Variants in GNAL observed in about 807,000 individuals in gnomAD.
GNAL encodes G protein subunit alpha L, also known as guanine nucleotide-binding protein G(olf) subunit alpha.
Under a neutral mutation model 55.1 loss-of-function variants are expected in GNAL, and 18 were observed. The ratio of observed to expected loss-of-function variants is 0.33; its 90% confidence interval spans 0.23 to 0.48. The LOEUF (loss-of-function observed/expected upper bound fraction) is 0.48, where lower values mean the gene tolerates loss of function less well. Among genes scored for constraint, GNAL ranks in the 20% least tolerant of loss-of-function variants. The pLI is 0.99. For synonymous variants in GNAL, 253 were observed against 237.0 expected (o/e 1.07, Z -0.62); for missense variants, 412 against 614.1 (o/e 0.67, Z 3.48).
At chr18:11,741,438 A>C (rs1451488232) in intron 1 of GNAL, among the ~76,000 whole-genome samples, 1 of 152,242 alleles carries the variant, frequency 6.6e-6, no homozygotes, top group Non-Finnish European at 1.5e-5. Flanking sequence ...GATGTTTTTT[A>C]TGCACTTGTA....
chr18:11,851,410 G>A, intron 5 of GNAL: 1 of 1,367,934 alleles, frequency 7.3e-7, no homozygotes, highest in Non-Finnish European at 9.6e-7. Flanking sequence ...CAGGAAGTGG[G>A]ACCAAAACAA....
chr18:11,735,690 G>A (rs1490901590), intron 1 of GNAL, among the ~76,000 whole-genome samples: 4 of 151,388 alleles, frequency 2.6e-5, no homozygotes, highest in East Asian at 2.0e-4. Context: ...AGGTGGAGGA[G>A]TTTGCAGTGA....
chr18:11,689,766 C>T lies in GNAL; in HGVS notation c.203C>T (p.Ala68Val). 1.3e-6 allele frequency: 2 copies of T among 1,520,080 alleles called. No individual in the cohort carries two copies. Among genetic ancestry groups the T allele is most frequent in the South Asian group, 1.2e-5 (1 of 81,884 alleles). 94.2% of individuals were successfully genotyped at this position (1,520,080 alleles called of 1,614,324 possible). Residue 68 changes from alanine to valine, a missense_variant, in exon 1 of 12, where the codon GCA becomes GTA. Physicochemically the swap from Ala to Val is moderately conservative, Grantham distance 64 (BLOSUM62 0). Transcript: ENST00000334049. ...AGCCCGGCATGCGCTCGGCCCAAAGCAGACAAGCCGAAGGAGAAGCGGCAG... is the reference window on the plus strand; with the variant it reads ...AGCCCGGCATGCGCTCGGCCCAAAGTAGACAAGCCGAAGGAGAAGCGGCAG... ...EGSPACARPKADKPKEKRQRT... is the reference protein window; with the variant it reads ...EGSPACARPKVDKPKEKRQRT...
At chr18:11,776,060 G>C (rs1306012847) in intron 4 of GNAL, among the ~76,000 whole-genome samples, 1 of 152,196 alleles carries the variant, frequency 6.6e-6, no homozygotes, top group Non-Finnish European at 1.5e-5. Flanking sequence ...TGTCATCCAT[G>C]GTTGCCCAAC....
At chr18:11,765,102 G>A (rs1317264564) in intron 4 of GNAL, among the ~76,000 whole-genome samples, 2 of 152,140 alleles carry the variant, frequency 1.3e-5, no homozygotes, top group African/African-American at 4.8e-5. Context: ...ATCATTTCAT[G>A]CTCTTGATAA....
rs1030269073 is a variant in GNAL, at chr18:11,885,386, TAAAC to T, written c.*4253_*4256del. ...ATAAATGGTTGTTTCTTTAGAAAATTAAACACACACAGAGTGTAAGAGGAGAGGA... is the reference window on the plus strand; with the variant it reads ...ATAAATGGTTGTTTCTTTAGAAAATTACACACAGAGTGTAAGAGGAGAGGA... On this transcript the variant is annotated 3_prime_UTR_variant, in exon 12 of 12. Coordinates refer to ENST00000334049, the MANE Select transcript of GNAL (RefSeq NM_182978.4). The T allele has an allele frequency of 2.4e-5, 9 of 381,410 alleles. No individual in the cohort carries two copies. The highest frequency in any genetic ancestry group is 1.9e-4 in the African/African-American group (9 of 48,380). The allele number at this position is 381,410 out of a possible 1,614,324, so 23.6% of individuals were successfully genotyped here. A position where few individuals can be genotyped will look rare whatever the true frequency, so the allele number is the denominator to read the frequency against.
chr18:11,840,520 A>G (rs2035590682), intron 5 of GNAL, among the ~76,000 whole-genome samples: 1 of 152,240 alleles, frequency 6.6e-6, no homozygotes, highest in Admixed American at 6.5e-5. Flanking sequence ...TCAGTTTCTC[A>G]TTCCAGCTCT....
chr18:11,704,815 T>C (rs1284349420), intron 1 of GNAL, among the ~76,000 whole-genome samples: 1 of 152,124 alleles, frequency 6.6e-6, no homozygotes, highest in Non-Finnish European at 1.5e-5. Flanking sequence ...TTTTGAGATA[T>C]AGTTGAAATG....
Position 11,781,121 on chromosome 18 carries a change from A to G in GNAL, c.624+27176A>G, listed in dbSNP as rs188698986. Among the ~76,000 whole-genome samples, 370 of 152,370 alleles carry G rather than the reference A, an allele frequency of 2.4e-3. 2 individuals carry two copies. The highest frequency in any genetic ancestry group is 9.9e-3 in the South Asian group (48 of 4,834). ...TACCAGTGTTTCTTACGGCTATTTC[A>G]AATTAAGACTTTAAATATAGGGAAA... On this transcript the variant is annotated intron_variant, in intron 4 of 11. Transcript: ENST00000334049.
intron 11 of GNAL, among the ~76,000 whole-genome samples, chr18:11,880,637 A>G (rs1356890384): frequency 6.6e-6 from 1 of 152,232 alleles, no homozygotes; most frequent in East Asian, 1.9e-4. Context: ...CCTTGGTGGT[A>G]TCAGCTAGAT....
chr18:11,760,617 G>A (rs2033208450), intron 4 of GNAL, among the ~76,000 whole-genome samples: 1 of 152,136 alleles, frequency 6.6e-6, no homozygotes, highest in Admixed American at 6.5e-5. Flanking sequence ...GTCTTGAATG[G>A]GAGTCACTGG....
chr18:11,783,068 T>C (rs1232224455), intron 4 of GNAL, among the ~76,000 whole-genome samples: 5 of 152,258 alleles, frequency 3.3e-5, no homozygotes, highest in African/African-American at 1.2e-4. Flanking sequence ...TGTCATTCTG[T>C]AAATTTCACA....
At chr18:11,807,934 T>C (rs73403565) in intron 4 of GNAL, among the ~76,000 whole-genome samples, 9,698 of 151,992 alleles carry the variant, frequency 0.064, 453 homozygotes, top group African/African-American at 0.13. Flanking sequence ...CCAGGTCAGA[T>C]GAGGACCAAG....
At chr18:11,833,324 C>T (rs2035429746) in intron 5 of GNAL, among the ~76,000 whole-genome samples, 1 of 152,270 alleles carries the variant, frequency 6.6e-6, no homozygotes, top group Non-Finnish European at 1.5e-5. Flanking sequence ...ACCACTGTGC[C>T]CCGCCTCTCA....
intron 4 of GNAL, among the ~76,000 whole-genome samples, chr18:11,796,453 G>C (rs751540809): frequency 6.6e-6 from 1 of 151,624 alleles, no homozygotes; most frequent in Non-Finnish European, 1.5e-5. Flanking sequence ...GGTGGCGGGC[G>C]CCTGTAGTCC....
At chr18:11,875,049 C>T (rs911391633) in intron 10 of GNAL, among the ~76,000 whole-genome samples, 3 of 152,268 alleles carry the variant, frequency 2.0e-5, no homozygotes, top group Non-Finnish European at 2.9e-5. Context: ...TGGACTCTTC[C>T]GGGGGAGAAT....
intron 1 of GNAL, chr18:11,746,314 T>G (rs1005986327): frequency 1.9e-5 from 6 of 323,222 alleles, no homozygotes; most frequent in Admixed American, 1.2e-4. Context: ...ACAATGATAT[T>G]AAGAAGAATT....
chr18:11,825,729 CAAAAAAAA>C (rs60460793), intron 5 of GNAL, among the ~76,000 whole-genome samples: 5 of 76,932 alleles, frequency 6.5e-5, no homozygotes, highest in East Asian at 4.4e-4. Flanking sequence ...GACTCTGTCT[CAAAAAAAA>C]AAAAAAAAAA....
At chr18:11,863,876 T>C (rs1477296104) in intron 6 of GNAL, among the ~76,000 whole-genome samples, 1 of 152,198 alleles carries the variant, frequency 6.6e-6, no homozygotes, top group African/African-American at 2.4e-5. Flanking sequence ...CCATCGTGAG[T>C]TTCACCCAAG....
Sources: allele counts gnomAD v4.1 joint callset (sites outside exome capture counted in the v4.1 genomes callset), GRCh38; gene constraint gnomAD v4.1.1; transcripts MANE v1.5; gene names NCBI Gene and HGNC (gene_info 2026-07-23, HGNC 2026-07-21).